The following LRFN2 variants were observed in gnomAD, a reference collection of about 807,000 sequenced individuals.
The protein encoded by LRFN2 is leucine rich repeat and fibronectin type III domain containing 2, also known as leucine-rich repeat and fibronectin type-III domain-containing protein 2.
LRFN2 carries 18 observed loss-of-function variants against 37.3 expected under a neutral mutation model. The ratio of observed to expected loss-of-function variants is 0.48; its 90% CI spans 0.33 to 0.72. LRFN2 has a LOEUF of 0.72. Among genes scored for constraint, LRFN2 ranks in the 30% least tolerant of loss-of-function variants. The pLI is 0.02. For synonymous variants in LRFN2, 556 were observed against 466.6 expected (o/e 1.19, Z -2.47); for missense variants, 1,006 against 1,060.7 (o/e 0.95, Z 0.72).
chr6:40,517,699 GT>G (rs937049494), intron 1 of LRFN2, among the ~76,000 whole-genome samples: 34 of 152,274 alleles, frequency 2.2e-4, no homozygotes, highest in African/African-American at 7.0e-4. Flanking sequence ...GTATCAGTCT[GT>G]GCAAAGCCTA....
intron 1 of LRFN2, among the ~76,000 whole-genome samples, chr6:40,482,659 T>C (rs1433733): frequency 0.11 from 16,385 of 152,206 alleles, 1,572 homozygotes; most frequent in African/African-American, 0.25. Flanking sequence ...AGTCAGCGCT[T>C]AGCTCCCTCC....
At chr6:40,471,767 T>C (rs2113857476) in intron 1 of LRFN2, among the ~76,000 whole-genome samples, 1 of 152,340 alleles carries the variant, frequency 6.6e-6, no homozygotes, top group African/African-American at 2.4e-5. Context: ...GATTTCACTT[T>C]GTATTACACT....
At chr6:40,485,688 A>T (rs976902510) in intron 1 of LRFN2, among the ~76,000 whole-genome samples, 2 of 152,222 alleles carry the variant, frequency 1.3e-5, no homozygotes, top group African/African-American at 2.4e-5. Flanking sequence ...ATTAAGGTAG[A>T]GTACACCCAA....
At chr6:40,444,945 T>C (rs1763933195) in intron 1 of LRFN2, among the ~76,000 whole-genome samples, 1 of 152,096 alleles carries the variant, frequency 6.6e-6, no homozygotes, top group Non-Finnish European at 1.5e-5. Context: ...GTTGACTTTG[T>C]TTGCTGTCAA....
intron 1 of LRFN2, among the ~76,000 whole-genome samples, chr6:40,448,057 G>A (rs1027038863): frequency 6.6e-5 from 10 of 152,182 alleles, no homozygotes; most frequent in African/African-American, 2.2e-4. Context: ...CAAAAGCCAC[G>A]AGTGCTCCTA....
chr6:40,466,458 G>A (rs1429950112), intron 1 of LRFN2, among the ~76,000 whole-genome samples: 3 of 151,602 alleles, frequency 2.0e-5, no homozygotes, highest in Admixed American at 2.0e-4. Flanking sequence ...GTAGAGCAAG[G>A]ACACCCACCT....
chr6:40,551,161 C>G (rs1054253025), intron 1 of LRFN2, among the ~76,000 whole-genome samples: 1 of 152,158 alleles, frequency 6.6e-6, no homozygotes, highest in African/African-American at 2.4e-5. Flanking sequence ...TGATCCAAGT[C>G]AGTCCACTGG....
chr6:40,576,902 C>T (rs1767290243), intron 1 of LRFN2, among the ~76,000 whole-genome samples: 1 of 151,766 alleles, frequency 6.6e-6, no homozygotes, highest in East Asian at 1.9e-4. Context: ...AGTCCCACAC[C>T]AACCCTCCAT....
intron 2 of LRFN2, among the ~76,000 whole-genome samples, chr6:40,396,911 G>A (rs75007157): frequency 0.026 from 3,996 of 152,180 alleles, 105 homozygotes; most frequent in African/African-American, 0.063. Flanking sequence ...AAGTTTACAC[G>A]CATTATCTCA....
chr6:40,549,687 A>G (rs981403405), intron 1 of LRFN2, among the ~76,000 whole-genome samples: 2 of 151,534 alleles, frequency 1.3e-5, no homozygotes, highest in Non-Finnish European at 3.0e-5. Context: ...ACAGTGAAAC[A>G]TAAGATTGGG....
chr6:40,547,229 C>A (rs1469469394), intron 1 of LRFN2, among the ~76,000 whole-genome samples: 1 of 151,858 alleles, frequency 6.6e-6, no homozygotes, highest in African/African-American at 2.4e-5. Flanking sequence ...CTCAGCCTCC[C>A]GAGTAGCTGG....
At chr6:40,534,399 A>AC (rs536731826) in intron 1 of LRFN2, among the ~76,000 whole-genome samples, 38 of 149,528 alleles carry the variant, frequency 2.5e-4, no homozygotes, top group African/African-American at 7.1e-4. Context: ...AGACCCTGAG[A>AC]CCCCCCCACT....
chr6:40,494,188 C>A (rs1483934671), intron 1 of LRFN2, among the ~76,000 whole-genome samples: 2 of 152,202 alleles, frequency 1.3e-5, no homozygotes, highest in Admixed American at 6.5e-5. Context: ...GGTTTCCATT[C>A]CCAGCTCTGT....
intron 1 of LRFN2, among the ~76,000 whole-genome samples, chr6:40,435,052 T>TATATATATATATAG (rs1482968698): frequency 1.1e-4 from 4 of 37,544 alleles, no homozygotes; most frequent in East Asian, 8.7e-4. Flanking sequence ...TATATATATA[T>TATATATATATATAG]AGAGAGAGAG....
intron 2 of LRFN2, among the ~76,000 whole-genome samples, chr6:40,431,468 G>A (rs527894586): frequency 7.2e-5 from 11 of 152,182 alleles, no homozygotes; most frequent in Non-Finnish European, 1.6e-4. Context: ...CCACCCAGCC[G>A]GGAGGTGTGG....
At chr6:40,529,361 C>A (rs1766308520) in intron 1 of LRFN2, among the ~76,000 whole-genome samples, 1 of 152,136 alleles carries the variant, frequency 6.6e-6, no homozygotes, top group African/African-American at 2.4e-5. Context: ...CATGGCAGTG[C>A]AAACAAAATA....
intron 1 of LRFN2, among the ~76,000 whole-genome samples, chr6:40,518,581 A>G (rs1765953898): frequency 1.3e-5 from 2 of 152,162 alleles, no homozygotes; most frequent in South Asian, 4.2e-4. Context: ...GCCCAGGGTA[A>G]GCACCTAGTA....
chr6:40,450,103 A>G (rs1204708469), intron 1 of LRFN2, among the ~76,000 whole-genome samples: 1 of 152,236 alleles, frequency 6.6e-6, no homozygotes, highest in Non-Finnish European at 1.5e-5. Context: ...TTTGAAACAG[A>G]GAGAGACACA....
At chr6:40,578,682 A>G (rs1014872871) in intron 1 of LRFN2, among the ~76,000 whole-genome samples, 1 of 152,206 alleles carries the variant, frequency 6.6e-6, no homozygotes, top group Non-Finnish European at 1.5e-5. Context: ...TACTACCACT[A>G]ATAGCTCACA....
Sources: allele counts gnomAD v4.1 joint callset (sites outside exome capture counted in the v4.1 genomes callset), GRCh38; gene constraint gnomAD v4.1.1; transcripts MANE v1.5; gene names NCBI Gene and HGNC (gene_info 2026-07-23, HGNC 2026-07-21).